MDN1: variants seen among roughly 807,000 people sequenced by gnomAD.
MDN1 encodes midasin AAA ATPase 1, also known as midasin.
Under a neutral mutation model 669.2 loss-of-function variants are expected in MDN1, and 266 were observed. The ratio of observed to expected loss-of-function variants is 0.40; its 90% CI spans 0.36 to 0.44. MDN1 has a LOEUF of 0.44. Among genes scored for constraint, MDN1 ranks in the 20% least tolerant of loss-of-function variants. MDN1 has a pLI of 1.00. For synonymous variants in MDN1, 2,385 were observed against 2,457.1 expected, an observed-to-expected ratio of 0.97 and a Z score of 0.87; for missense variants, 5,940 against 6,754.0, an observed-to-expected ratio of 0.88 and a Z score of 4.22.
chr6:89,730,623 A>G, intron 35 of MDN1, 103 bp downstream of exon 35: 1 of 874,932 alleles, frequency 1.1e-6, no homozygotes. Flanking sequence ...CAGTTAGTGC[A>G]AATATAATCA....
intron 75 of MDN1, among the ~76,000 whole-genome samples, chr6:89,677,987 G>T (rs1811332374): frequency 3.3e-5 from 5 of 152,206 alleles, no homozygotes; most frequent in Admixed American, 1.3e-4. Context: ...TAAAAATACA[G>T]ATTCTGCCAG....
At chr6:89,819,401 A>C in intron 1 of MDN1, 105 bp downstream of exon 1, 2 of 1,082,954 alleles carry the variant, frequency 1.8e-6, no homozygotes, top group South Asian at 1.4e-5. Context: ...CTGAGGCTGC[A>C]CCACTCCCCA....
At position 89,658,280 on chromosome 6, in the gene MDN1, C is replaced by T. The variant is rs745307437; in HGVS notation, c.15112G>A (p.Val5038Met). The stretch of plus-strand genomic sequence containing the variant: ...GCCTGTGTGTTCTGCATGTTCTCCA[C>T]ACCAGTCTGCCCACAGGAGGCATGC... ...KEHASCGQTG[V>M]ENMQNTQAME... Residue 5038 changes from valine (V) to methionine (M), a missense_variant, in exon 90 of 102, where the codon GTG becomes ATG. Val to Met is a conservative substitution (Grantham distance 21, BLOSUM62 1). Around this residue, in one of 5 missense-constraint regions of MDN1, gnomAD observed 2,280 missense variants for 2,576.3 expected, o/e 0.88. Coordinates refer to ENST00000369393, the MANE Select transcript of MDN1 (RefSeq NM_014611.3). 12 of 1,614,128 alleles carry T rather than the reference C, an allele frequency of 7.4e-6. No homozygotes were observed. The South Asian group carries it at 1.3e-4, about 18-fold the overall frequency.
At chr6:89,726,678 G>A (rs55967496) in intron 37 of MDN1, among the ~76,000 whole-genome samples, 4,149 of 152,164 alleles carry the variant, frequency 0.027, 209 homozygotes, top group African/African-American at 0.096. Flanking sequence ...CAATTACAAG[G>A]GGCTCTTGTG....
At position 89,785,076 on chromosome 6, in the gene MDN1, G is replaced by T; in HGVS notation, c.1385C>A (p.Thr462Asn). ...NWYRPLNSHA[T>N]LLDKYWTKIH... ...TTTGGTCCAATATTTGTCTAGCAAAGTAGCATGACTGTTTAGCGGTCGATA... is the reference window on the plus strand; with the variant it reads ...TTTGGTCCAATATTTGTCTAGCAAATTAGCATGACTGTTTAGCGGTCGATA... The change falls in exon 9 of 102, where the codon ACT becomes AAT. Residue 462 changes from threonine (T) to asparagine (N), a missense_variant. Thr to Asn is a moderately conservative substitution (Grantham distance 65). Around this residue, in one of 5 missense-constraint regions of MDN1, gnomAD observed 1,203 missense variants for 1,268.9 expected, o/e 0.95. Coordinates refer to ENST00000369393, the MANE Select transcript of MDN1 (RefSeq NM_014611.3). 1 of 1,614,132 alleles carries T rather than the reference G, an allele frequency of 6.2e-7. No individual in the cohort carries two copies. The highest frequency in any genetic ancestry group is 1.7e-5 in the Admixed American group (1 of 60,010).
At chr6:89,748,003 A>G (rs1342205049) in intron 26 of MDN1, among the ~76,000 whole-genome samples, 2 of 152,002 alleles carry the variant, frequency 1.3e-5, no homozygotes, top group Non-Finnish European at 2.9e-5. Context: ...GGAATTCCAC[A>G]TTTCTTATGC....
intron 45 of MDN1, 142 bp from the exon 46 acceptor site, chr6:89,714,893 T>C (rs1004660345): frequency 1.5e-6 from 1 of 676,254 alleles, no homozygotes; most frequent in Admixed American, 2.9e-5. Context: ...ACTTCTAGCA[T>C]GCATCAATAT....
chr6:89,676,144 T>C lies in MDN1; in HGVS notation c.12603A>G (p.Ala4201=). ...GTGCTGCGTTAAGCCTGGCATGCCG[T>C]GCAAGAGAGCGATAAAAATACTTCT... ...GCQKYFYRSL[A]RHARLNAALA... is the part of the protein sequence containing the mutation. Residue 4201 remains alanine, a synonymous_variant, in exon 77 of 102, where the codon GCA becomes GCG. Coordinates refer to ENST00000369393, the MANE Select transcript of MDN1 (RefSeq NM_014611.3). The C allele has an allele frequency of 6.2e-7, 1 of 1,614,186 alleles. No homozygotes were observed. Among genetic ancestry groups the C allele is most frequent in the South Asian group, 1.1e-5 (1 of 91,082 alleles).
chr6:89,680,876 A>T, intron 73 of MDN1, 125 bp from the exon 74 acceptor site: 1 of 1,008,562 alleles, frequency 9.9e-7, no homozygotes, highest in Non-Finnish European at 1.4e-6. Flanking sequence ...GAACAAATGT[A>T]GCATCACTAA....
rs976133240 is a variant in MDN1, at chr6:89,776,686, A to G, written c.1735T>C (p.Cys579Arg). Residue 579 changes from cysteine (C) to arginine (R), a missense_variant, in exon 12 of 102, where the codon TGT becomes CGT. By Grantham distance (180) the Cys-to-Arg change is radical. Transcript: ENST00000369393. The part of the protein sequence containing the change: ...SLNIFQEALD[C>R]FTAMLSEHTS... Reference sequence around the variant, plus strand: ...TGCTCAGAAAGCATTGCTGTGAAACAGTCTAGAGCCTATTAAAATAACCAA... The same window carrying G: ...TGCTCAGAAAGCATTGCTGTGAAACGGTCTAGAGCCTATTAAAATAACCAA... 12 of 1,591,654 alleles carry G rather than the reference A, an allele frequency of 7.5e-6. No individual in the cohort carries two copies. In the African/African-American group the frequency reaches 1.6e-4, roughly 22 times the overall value.
chr6:89,748,154 G>T (rs1438544351), intron 26 of MDN1, among the ~76,000 whole-genome samples: 2 of 152,006 alleles, frequency 1.3e-5, no homozygotes, highest in African/African-American at 4.8e-5. Context: ...GTGAAACCCC[G>T]TCTCTACTAA....
In MDN1 at chr6:89,819,730, G is replaced by C; in HGVS notation, c.-123C>G. Reference sequence around the variant, plus strand: ...TACGCCCGCAGGAAAGGCGTCCTCAGCTCCAGCGCCTACACCGGGAGAGGG... The same window carrying C: ...TACGCCCGCAGGAAAGGCGTCCTCACCTCCAGCGCCTACACCGGGAGAGGG... On this transcript the variant is annotated 5_prime_UTR_variant, in exon 1 of 102. Transcript: ENST00000369393. The C allele has an allele frequency of 1.3e-6, 1 of 745,908 alleles. No homozygotes were observed. The allele number at this position is 745,908 out of a possible 1,614,324, so 46.2% of individuals were successfully genotyped here. A position where few individuals can be genotyped will look rare whatever the true frequency, so the allele number is the denominator to read the frequency against.
intron 15 of MDN1, among the ~76,000 whole-genome samples, chr6:89,765,238 C>A (rs1426681796): frequency 1.4e-5 from 2 of 139,970 alleles, no homozygotes; most frequent in African/African-American, 5.5e-5. Context: ...GCCTGGGAGA[C>A]AGAGTGAGAC....
rs567566714 is a variant in MDN1, at chr6:89,751,559, A to G, written c.3099T>C (p.Gly1033=). 33 of 1,613,930 alleles carry G rather than the reference A, an allele frequency of 2.0e-5. No homozygotes were observed. The South Asian group carries it at 3.5e-4, about 17-fold the overall frequency. The change falls in exon 23 of 102, where the codon GGT becomes GGC. Residue 1033 remains glycine, a synonymous_variant. Transcript: ENST00000369393. ...AGTAGCCTTCAACCTGGATAAGCCG[A>G]CCTCCTTTTGGCTCTGGAATAGGCT... ...LKQPIPEPKG[G]RLIQVEGYWI...
chr6:89,649,963 C>G, intron 97 of MDN1, 61 bp downstream of exon 97: 2 of 1,559,072 alleles, frequency 1.3e-6, no homozygotes, highest in Non-Finnish European at 1.8e-6. Context: ...TTTTGGTGGC[C>G]CATGGAACAT....
In MDN1 at chr6:89,753,548, G is replaced by A. The variant is rs530422699; in HGVS notation, c.3039C>T (p.His1013=). The A allele has an allele frequency of 1.9e-5, 30 of 1,613,562 alleles. No individual in the cohort carries two copies. Among genetic ancestry groups the A allele is most frequent in the South Asian group, 1.2e-4 (11 of 91,062 alleles). ...HPIVQKLICQ[H]IVPGNVKSLL... ...GACTCTTGACATTGCCAGGGACAAT[G>A]TGTTGACAGATGAGCTTCTGAACTA... The change falls in exon 22 of 102, where the codon CAC becomes CAT. Residue 1013 remains histidine, a synonymous_variant. Coordinates refer to ENST00000369393, the MANE Select transcript of MDN1 (RefSeq NM_014611.3).
chr6:89,786,213 A>G (rs1818949821), intron 8 of MDN1, among the ~76,000 whole-genome samples: 1 of 152,126 alleles, frequency 6.6e-6, no homozygotes, highest in Non-Finnish European at 1.5e-5. Flanking sequence ...GAGCCAAATC[A>G]TGCCACTGCA....
chr6:89,717,577 AC>A (rs1814471025), intron 43 of MDN1, among the ~76,000 whole-genome samples: 1 of 152,214 alleles, frequency 6.6e-6, no homozygotes, highest in African/African-American at 2.4e-5. Flanking sequence ...GTTTTACAAT[AC>A]CCATTTAAAA....
rs577244222 is a variant in MDN1 at position 89,724,523 on chromosome 6, T to C, written c.5670+676A>G. On this transcript the variant is annotated intron_variant, in intron 38 of 101. Transcript: ENST00000369393. ...GTCTCGAACTCCTGACCTCAGGTGATTCACCTGCCTTGGCCTCCCAAAGTG... is the reference window on the plus strand; with the variant it reads ...GTCTCGAACTCCTGACCTCAGGTGACTCACCTGCCTTGGCCTCCCAAAGTG... 1.3e-4 allele frequency among the ~76,000 whole-genome samples: 20 copies of C among 152,326 alleles called. No individual in the cohort carries two copies. The South Asian group carries it at 4.1e-3, about 32-fold the overall frequency.
Sources: allele counts gnomAD v4.1 joint callset (sites outside exome capture counted in the v4.1 genomes callset), GRCh38; gene constraint gnomAD v4.1.1; regional missense constraint gnomAD v4.1.1; transcripts MANE v1.5; gene names NCBI Gene and HGNC (gene_info 2026-07-23, HGNC 2026-07-21).